AFF2: variants seen among roughly 807,000 people sequenced by gnomAD.
AFF2 encodes the protein AF4/FMR2 family member 2.
A neutral mutation model predicts 76.9 loss-of-function variants in AFF2; 14 were observed. The observed-to-expected ratio is 0.18, with a 90% CI of 0.12 to 0.28. The LOEUF (loss-of-function observed/expected upper bound fraction) is 0.28, where lower values mean the gene tolerates loss of function less well. Among genes scored for constraint, AFF2 ranks in the 10% least tolerant of loss-of-function variants. The pLI, the probability that AFF2 is intolerant of heterozygous loss-of-function variation, is 1.00. For missense variants in AFF2, 868 were observed against 1,001.1 expected (o/e 0.87, Z 1.79); for synonymous variants, 398 against 366.7 (o/e 1.09, Z -0.98).
intron 1 of AFF2, among the ~76,000 whole-genome samples, chrX:148,541,004 G>A (rs931536223): frequency 2.7e-5 from 3 of 112,285 alleles, no homozygotes; most frequent in African/African-American, 9.7e-5. Context: ...TACGCCAGAT[G>A]CCTTTGAAAA....
In AFF2 at chrX:148,642,981, G is replaced by A. The variant is rs188199607; in HGVS notation, c.48-9018G>A. Reference sequence around the variant, plus strand: ...CGGGACCATTTCTAGTTGTGGAAAGGATCCTCCTGAAGTAAATCAAGAATT... The same window carrying A: ...CGGGACCATTTCTAGTTGTGGAAAGAATCCTCCTGAAGTAAATCAAGAATT... On this transcript the variant is annotated intron_variant, in intron 1 of 20. Transcript: ENST00000370460. Among the ~76,000 whole-genome samples the A allele has an allele frequency of 3.8e-4, 43 of 112,150 alleles. No individual in the cohort carries two copies. In the East Asian group the frequency reaches 0.012, roughly 30 times the overall value.
At chrX:148,903,810 T>C (rs1557281146) in intron 8 of AFF2, among the ~76,000 whole-genome samples, 1 of 111,362 alleles carries the variant, frequency 9.0e-6, no homozygotes, top group Non-Finnish European at 1.9e-5. Context: ...AATCTAAAAA[T>C]CCAGGATATG....
At chrX:148,747,833 G>A (rs1399552677) in intron 3 of AFF2, among the ~76,000 whole-genome samples, 6 of 111,232 alleles carry the variant, frequency 5.4e-5, no homozygotes, top group Admixed American at 3.8e-4. Flanking sequence ...TTGGTTTGCT[G>A]GTTCCCTCAT....
At chrX:148,797,949 G>A (rs960036841) in intron 3 of AFF2, among the ~76,000 whole-genome samples, 1 of 111,945 alleles carries the variant, frequency 8.9e-6, no homozygotes, top group African/African-American at 3.2e-5. Flanking sequence ...TTGTCTACTC[G>A]TCTATAGTAT....
At chrX:148,913,769 G>T (rs782528047) in intron 9 of AFF2, among the ~76,000 whole-genome samples, 1 of 112,218 alleles carries the variant, frequency 8.9e-6, no homozygotes, top group Admixed American at 9.4e-5. Flanking sequence ...GACAAGAATG[G>T]ACAACGCTGT....
chrX:148,687,721 G>T (rs1410489753), intron 3 of AFF2, among the ~76,000 whole-genome samples: 1 of 110,012 alleles, frequency 9.1e-6, no homozygotes, highest in Non-Finnish European at 1.9e-5. Context: ...GATGTCAGGA[G>T]GTGTGTCGCT....
intron 3 of AFF2, among the ~76,000 whole-genome samples, chrX:148,694,104 G>T (rs1271310356): frequency 9.5e-6 from 1 of 105,064 alleles, no homozygotes; most frequent in African/African-American, 3.5e-5. Context: ...TCACTCATAG[G>T]TGGGAACTGA....
In AFF2 at chrX:148,995,006, C is replaced by T. The variant is rs1472435270; in HGVS notation, c.*3674C>T. The T allele has an allele frequency of 9.0e-6, 1 of 111,721 alleles. No individual in the cohort carries two copies. Among genetic ancestry groups the T allele is most frequent in the African/African-American group, 3.3e-5 (1 of 30,625 alleles). The allele number at this position is 111,721 out of a possible 1,213,427, so 9.2% of individuals were successfully genotyped here. A position where few individuals can be genotyped will look rare whatever the true frequency, so the allele number is the denominator to read the frequency against. On this transcript the variant is annotated 3_prime_UTR_variant, in exon 21 of 21. Coordinates refer to ENST00000370460, the MANE Select transcript of AFF2 (RefSeq NM_002025.4). Reference sequence around the variant, plus strand: ...TATCCCCATTGAGAAAAATGTGTGGCAAGATGATACAGCTACACAGTATCA... The same window carrying T: ...TATCCCCATTGAGAAAAATGTGTGGTAAGATGATACAGCTACACAGTATCA...
intron 9 of AFF2, among the ~76,000 whole-genome samples, chrX:148,950,819 A>G (rs1220005276): frequency 8.9e-6 from 1 of 112,202 alleles, no homozygotes; most frequent in Non-Finnish European, 1.9e-5. Flanking sequence ...AAATTTTCAT[A>G]TATGATTTCT....
chrX:148,810,559 AG>A (rs1486579783), intron 4 of AFF2, among the ~76,000 whole-genome samples: 1 of 112,337 alleles, frequency 8.9e-6, no homozygotes, highest in East Asian at 2.8e-4. Context: ...ATCATAAGGC[AG>A]TATGGAATCT....
intron 1 of AFF2, among the ~76,000 whole-genome samples, chrX:148,503,781 A>G (rs2052378245): frequency 8.9e-6 from 1 of 112,214 alleles, no homozygotes; most frequent in Non-Finnish European, 1.9e-5. Flanking sequence ...TGTTATGTGC[A>G]GTGTTTTGGA....
intron 4 of AFF2, among the ~76,000 whole-genome samples, chrX:148,816,889 G>GA (rs1292521062): frequency 3.1e-4 from 17 of 54,476 alleles, no homozygotes; most frequent in South Asian, 7.8e-4. Context: ...CTCTTGACAT[G>GA]AAAAAAAAAA....
chrX:148,871,106 A>G (rs988719570), intron 7 of AFF2, among the ~76,000 whole-genome samples: 1 of 111,594 alleles, frequency 9.0e-6, no homozygotes, highest in African/African-American at 3.3e-5. Flanking sequence ...TGCCCTCTGC[A>G]TGAGAAAAAG....
intron 3 of AFF2, among the ~76,000 whole-genome samples, chrX:148,762,162 C>G (rs138915647): frequency 5.5e-5 from 6 of 110,007 alleles, no homozygotes; most frequent in Admixed American, 2.9e-4. Flanking sequence ...GCAGTGTACA[C>G]TGTACCCAAT....
chrX:148,769,431 A>C (rs1362867259), intron 3 of AFF2, among the ~76,000 whole-genome samples: 1 of 111,831 alleles, frequency 8.9e-6, no homozygotes, highest in Non-Finnish European at 1.9e-5. Context: ...TAACAGGGTA[A>C]CAGGCAGCAG....
intron 12 of AFF2, among the ~76,000 whole-genome samples, chrX:148,959,411 C>G (rs1557287762): frequency 8.9e-6 from 1 of 112,329 alleles, no homozygotes; most frequent in Non-Finnish European, 1.9e-5. Flanking sequence ...GGCAATCTGG[C>G]TAACTGCAGC....
chrX:148,859,079 C>A (rs1368710596), intron 7 of AFF2, among the ~76,000 whole-genome samples: 2 of 105,062 alleles, frequency 1.9e-5, no homozygotes, highest in Non-Finnish European at 3.9e-5. Context: ...ACAATTCAAT[C>A]TCTCTCCCTA....
chrX:148,506,775 A>G (rs781784689), intron 1 of AFF2, among the ~76,000 whole-genome samples: 1 of 111,688 alleles, frequency 9.0e-6, no homozygotes, highest in South Asian at 3.8e-4. Flanking sequence ...ATCTTACCAT[A>G]TGTATTAATT....
chrX:148,836,406 G>GA (rs1284043483), intron 4 of AFF2, among the ~76,000 whole-genome samples: 21 of 110,949 alleles, frequency 1.9e-4, no homozygotes, highest in Non-Finnish European at 3.6e-4. Context: ...ATTATAGAAG[G>GA]AAAAAAACCT....
Sources: allele counts gnomAD v4.1 joint callset (sites outside exome capture counted in the v4.1 genomes callset), GRCh38; gene constraint gnomAD v4.1.1; transcripts MANE v1.5; gene names NCBI Gene and HGNC (gene_info 2026-07-23, HGNC 2026-07-21).